The following TENM3 variants were observed in gnomAD, a reference collection of about 807,000 sequenced individuals.
TENM3 encodes the protein teneurin-3.
TENM3 carries 63 observed loss-of-function variants against 255.1 expected under a neutral mutation model. The observed-to-expected ratio is 0.25, with a 90% CI of 0.20 to 0.30. TENM3 has a LOEUF of 0.30. Ranked by LOEUF, TENM3 falls within the 10% of genes least tolerant of loss-of-function variation. The pLI is 1.00. For synonymous variants in TENM3, 1,306 were observed against 1,322.3 expected, an observed-to-expected ratio of 0.99 and a Z score of 0.27; for missense variants, 2,929 against 3,461.1, an observed-to-expected ratio of 0.85 and a Z score of 3.86.
the TENM3 span, among the ~76,000 whole-genome samples, chr4:181,636,210 T>C: frequency 6.6e-6 from 1 of 152,016 alleles, no homozygotes; most frequent in African/African-American, 2.4e-5. Flanking sequence ...CACATCCGGC[T>C]AATTTTGTAT....
At chr4:182,723,821 C>A (rs2309702) in intron 13 of TENM3, among the ~76,000 whole-genome samples, 7 of 151,786 alleles carry the variant, frequency 4.6e-5, no homozygotes, top group African/African-American at 7.3e-5. Context: ...CACATTCATG[C>A]CCATTCATTG....
the TENM3 span, among the ~76,000 whole-genome samples, chr4:181,713,072 TC>T: frequency 6.6e-6 from 1 of 152,192 alleles, no homozygotes; most frequent in Non-Finnish European, 1.5e-5. Context: ...AGGAAACCTT[TC>T]CCAGAGTACC....
intron 3 of TENM3, among the ~76,000 whole-genome samples, chr4:182,379,789 C>A (rs981696370): frequency 4.6e-5 from 7 of 152,138 alleles, no homozygotes; most frequent in Admixed American, 4.6e-4. Flanking sequence ...GCTCTGGGGC[C>A]TTAGACAGTT....
Position 182,324,182 on chromosome 4 carries a change from C to T in TENM3, c.162C>T (p.Ser54=), listed in dbSNP as rs376565483. 76 of 1,614,010 alleles carry T rather than the reference C, an allele frequency of 4.7e-5. 1 individual carries two copies. The African/African-American group carries it at 9.9e-4, about 21-fold the overall frequency. Residue 54 remains serine, a synonymous_variant, in exon 2 of 28, where the codon TCC becomes TCT. Coordinates refer to ENST00000511685, the MANE Select transcript of TENM3 (RefSeq NM_001080477.4). ...SETLKAFDHD[S]SRLLYGNRVK... is the part of the protein sequence containing the mutation. Reference sequence around the variant, plus strand: ...CATTGAAAGCTTTTGATCATGATTCCTCGCGGCTGCTTTACGGCAACAGAG... The same window carrying T: ...CATTGAAAGCTTTTGATCATGATTCTTCGCGGCTGCTTTACGGCAACAGAG...
the TENM3 span, among the ~76,000 whole-genome samples, chr4:181,575,790 A>C: frequency 2.0e-5 from 3 of 152,124 alleles, no homozygotes; most frequent in East Asian, 5.8e-4. Context: ...CCGCTGCTCC[A>C]TTTCAGCAGC....
At chr4:182,224,734 T>C (rs534238012) in intron 1 of TENM3, among the ~76,000 whole-genome samples, 6 of 149,496 alleles carry the variant, frequency 4.0e-5, no homozygotes, top group Non-Finnish European at 4.5e-5. Flanking sequence ...TTCAGTCAGA[T>C]ATCTTTTTTT....
upstream of TENM3, among the ~76,000 whole-genome samples, chr4:182,140,273 C>A (rs1008043394): frequency 6.6e-6 from 1 of 152,172 alleles, no homozygotes; most frequent in African/African-American, 2.4e-5. Flanking sequence ...TGGCTACCAG[C>A]CTTTAGCCTC....
chr4:182,143,309 G>C (rs1043797666), upstream of TENM3: 19 of 167,094 alleles, frequency 1.1e-4, no homozygotes, highest in Admixed American at 5.9e-4. The surrounding 1 kb of genome is among the most constrained non-coding windows in gnomAD (Gnocchi z 4.3). Flanking sequence ...TGGTAAGGAA[G>C]TCTGAGTGTT....
At chr4:182,755,854 A>G (rs1385559855) in intron 22 of TENM3, among the ~76,000 whole-genome samples, 1 of 152,100 alleles carries the variant, frequency 6.6e-6, no homozygotes, top group Non-Finnish European at 1.5e-5. Context: ...AAAAAAAAAG[A>G]TACCTCTTTC....
At chr4:181,707,322 T>G in the TENM3 span, among the ~76,000 whole-genome samples, 1 of 152,186 alleles carries the variant, frequency 6.6e-6, no homozygotes, top group African/African-American at 2.4e-5. Flanking sequence ...GGCCCATTTT[T>G]CTCTCTAAAT....
At chr4:182,606,457 G>A (rs1249088671) in intron 4 of TENM3, among the ~76,000 whole-genome samples, 1 of 144,966 alleles carries the variant, frequency 6.9e-6, no homozygotes, top group Non-Finnish European at 1.5e-5. Context: ...CCGGGAGGCA[G>A]TGGTTGCAGT....
At chr4:181,516,840 A>T in the TENM3 span, among the ~76,000 whole-genome samples, 36 of 152,114 alleles carry the variant, frequency 2.4e-4, no homozygotes, top group Non-Finnish European at 4.7e-4. Context: ...TATCCTAACC[A>T]TTGTATGTGT....
the TENM3 span, among the ~76,000 whole-genome samples, chr4:181,482,521 T>C: frequency 1.3e-5 from 2 of 152,298 alleles, no homozygotes; most frequent in Non-Finnish European, 2.9e-5. Context: ...TGTGGAGATA[T>C]GTATGATTCT....
the TENM3 span, among the ~76,000 whole-genome samples, chr4:181,684,653 T>A: frequency 5.1e-3 from 770 of 152,296 alleles, 5 homozygotes; most frequent in African/African-American, 0.018. Flanking sequence ...ATGTCAGTGA[T>A]GTTTTAAGAT....
chr4:182,356,292 C>T (rs1354360715), intron 3 of TENM3, among the ~76,000 whole-genome samples: 1 of 152,048 alleles, frequency 6.6e-6, no homozygotes, highest in Non-Finnish European at 1.5e-5. Flanking sequence ...GGCTTGAGCC[C>T]AGAAGTTAGA....
intron 1 of TENM3, among the ~76,000 whole-genome samples, chr4:182,194,211 A>T (rs141290637): frequency 1.5e-4 from 23 of 152,252 alleles, no homozygotes; most frequent in Non-Finnish European, 2.6e-4. Context: ...AGTGCAGGCA[A>T]ATCAAATGGT....
the TENM3 span, among the ~76,000 whole-genome samples, chr4:182,114,713 C>T: frequency 3.9e-5 from 6 of 152,228 alleles, no homozygotes; most frequent in East Asian, 5.8e-4. Flanking sequence ...TGGGCAAAAT[C>T]CCCATTTTAG....
the TENM3 span, among the ~76,000 whole-genome samples, chr4:181,790,709 C>G: frequency 6.6e-6 from 1 of 152,188 alleles, no homozygotes; most frequent in African/African-American, 2.4e-5. Context: ...TAGGCAAAGA[C>G]AAGTAAACAT....
chr4:181,480,129 G>A, the TENM3 span, among the ~76,000 whole-genome samples: 1 of 151,912 alleles, frequency 6.6e-6, no homozygotes, highest in Non-Finnish European at 1.5e-5. Context: ...CCGAAACCTA[G>A]ATCAATTCCT....
Sources: allele counts gnomAD v4.1 joint callset (sites outside exome capture counted in the v4.1 genomes callset), GRCh38; gene constraint gnomAD v4.1.1; non-coding constraint Gnocchi (gnomAD v3.1); transcripts MANE v1.5; gene names NCBI Gene and HGNC (gene_info 2026-07-23, HGNC 2026-07-21).